Variants in SNX29 observed in about 807,000 individuals in gnomAD.
The protein encoded by SNX29 is sorting nexin 29, also known as sorting nexin-29.
SNX29 carries 78 observed loss-of-function variants against 102.1 expected under a neutral mutation model. That is an observed-to-expected ratio of 0.76 (90% CI 0.64 to 0.92). The LOEUF (loss-of-function observed/expected upper bound fraction) is 0.92. Ranked by LOEUF, SNX29 falls within the 40% of genes least tolerant of loss-of-function variation. SNX29 has a pLI of 0.00. For missense variants in SNX29, 1,280 were observed against 1,061.7 expected, an observed-to-expected ratio of 1.21 and a Z score of -2.86; for synonymous variants, 580 against 414.5, an observed-to-expected ratio of 1.40 and a Z score of -4.85.
chr16:12,525,543 T>G (rs966267000), intron 20 of SNX29, among the ~76,000 whole-genome samples: 3 of 151,580 alleles, frequency 2.0e-5, no homozygotes, highest in African/African-American at 7.3e-5. Flanking sequence ...CGTGCAAAAA[T>G]TAGCTGGGCA....
intron 11 of SNX29, among the ~76,000 whole-genome samples, chr16:12,120,814 T>C (rs1332004629): frequency 6.6e-6 from 1 of 152,170 alleles, no homozygotes; most frequent in Non-Finnish European, 1.5e-5. Flanking sequence ...GGTAATGATG[T>C]ATGGGACCGT....
At chr16:12,176,390 G>A (rs1236507905) in intron 13 of SNX29, among the ~76,000 whole-genome samples, 1 of 152,184 alleles carries the variant, frequency 6.6e-6, no homozygotes, top group African/African-American at 2.4e-5. Flanking sequence ...TGTGAAATGG[G>A]AATAGTGAAT....
At chr16:12,073,556 T>C (rs1383980176) in intron 10 of SNX29, among the ~76,000 whole-genome samples, 2 of 152,234 alleles carry the variant, frequency 1.3e-5, no homozygotes, top group African/African-American at 4.8e-5. Flanking sequence ...TTTCTGTTCT[T>C]TTACATTTGC....
At chr16:12,470,625 TC>T (rs1174859172) in intron 18 of SNX29, among the ~76,000 whole-genome samples, 1 of 152,148 alleles carries the variant, frequency 6.6e-6, no homozygotes, top group African/African-American at 2.4e-5. Flanking sequence ...CTCTGCTGTT[TC>T]TGTTGAGTTT....
chr16:12,535,628 A>G (rs1480246789), intron 20 of SNX29, among the ~76,000 whole-genome samples: 1 of 152,138 alleles, frequency 6.6e-6, no homozygotes, highest in Non-Finnish European at 1.5e-5. Flanking sequence ...TCACACCAAC[A>G]TGAAGCACTT....
chr16:12,337,234 A>T (rs1176995003), intron 15 of SNX29, among the ~76,000 whole-genome samples: 2 of 151,932 alleles, frequency 1.3e-5, no homozygotes, highest in Non-Finnish European at 2.9e-5. Flanking sequence ...CTGTCTCCAC[A>T]GTTGCTGGAG....
Position 12,570,808 on chromosome 16 carries a change from A to C in SNX29, c.*2179A>C, listed in dbSNP as rs1026441504. On this transcript the variant is annotated 3_prime_UTR_variant, in exon 21 of 21. Coordinates refer to ENST00000566228, the MANE Select transcript of SNX29 (RefSeq NM_032167.5). ...CAGTCCCCCATTGCTGAGAGATACT[A>C]ACCCGTGAGAAACAAGTATGCTCTC... The C allele has an allele frequency of 4.3e-6, 1 of 232,358 alleles. No homozygotes were observed. Among genetic ancestry groups the C allele is most frequent in the African/African-American group, 2.2e-5 (1 of 45,274 alleles). 14.4% of individuals were successfully genotyped at this position (232,358 alleles called of 1,614,324 possible).
chr16:12,506,200 A>G (rs2089370544), intron 19 of SNX29, among the ~76,000 whole-genome samples: 1 of 152,166 alleles, frequency 6.6e-6, no homozygotes, highest in African/African-American at 2.4e-5. Flanking sequence ...ACCTCAGGTG[A>G]TGCGCCTGCC....
chr16:12,211,898 G>C (rs1275525592), intron 14 of SNX29, among the ~76,000 whole-genome samples: 1 of 152,158 alleles, frequency 6.6e-6, no homozygotes, highest in Admixed American at 6.5e-5. Flanking sequence ...ATGACATTTA[G>C]ACTGGTGTTG....
At chr16:12,428,098 A>G (rs545883739) in intron 18 of SNX29, among the ~76,000 whole-genome samples, 1 of 152,256 alleles carries the variant, frequency 6.6e-6, no homozygotes, top group East Asian at 1.9e-4. Context: ...TCAGGGTTTT[A>G]TTTTATTTTA....
At chr16:12,346,127 A>G (rs959861811) in intron 15 of SNX29, among the ~76,000 whole-genome samples, 2 of 151,942 alleles carry the variant, frequency 1.3e-5, no homozygotes, top group South Asian at 2.1e-4. Flanking sequence ...TAGAAAGATC[A>G]TTTGAGCGTC....
At chr16:12,149,431 G>T (rs1463861812) in intron 13 of SNX29, among the ~76,000 whole-genome samples, 1 of 152,232 alleles carries the variant, frequency 6.6e-6, no homozygotes, top group South Asian at 2.1e-4. Flanking sequence ...TCTGTGCTTA[G>T]TGCCTGGTAC....
In SNX29 at chr16:12,545,180, A is replaced by T. The variant is rs1181105656; in HGVS notation, c.2318+20339A>T. 7.9e-5 allele frequency among the ~76,000 whole-genome samples: 12 copies of T among 152,310 alleles called. No homozygotes were observed. In the South Asian group the frequency reaches 2.5e-3, roughly 32 times the overall value. ...CACTCTGCCAGCCGTCAGAGAAACA[A>T]ATATGGTCAATACAAAAAAGGAAGG... On this transcript the variant is annotated intron_variant, in intron 20 of 20. Coordinates refer to ENST00000566228, the MANE Select transcript of SNX29 (RefSeq NM_032167.5).
chr16:12,532,382 C>T (rs1052539386), intron 20 of SNX29, among the ~76,000 whole-genome samples: 1 of 152,200 alleles, frequency 6.6e-6, no homozygotes, highest in East Asian at 1.9e-4. Context: ...CAGCAGCGTT[C>T]ACTTGTGTTT....
intron 16 of SNX29, chr16:12,367,275 C>T (rs1334614091): frequency 2.0e-5 from 3 of 152,236 alleles, no homozygotes; most frequent in African/African-American, 4.8e-5. Flanking sequence ...GCCTGGAACA[C>T]GTAATCACTC....
At chr16:12,420,012 A>C (rs1416890402) in intron 18 of SNX29, among the ~76,000 whole-genome samples, 2 of 152,174 alleles carry the variant, frequency 1.3e-5, no homozygotes, top group African/African-American at 4.8e-5. Context: ...AAATATGTGC[A>C]TCTCCACACC....
chr16:12,395,836 C>T (rs1026331637), intron 16 of SNX29, among the ~76,000 whole-genome samples: 2 of 152,224 alleles, frequency 1.3e-5, no homozygotes, highest in African/African-American at 4.8e-5. Context: ...GGGCTGCTGT[C>T]AAGTCTAGCT....
intron 20 of SNX29, among the ~76,000 whole-genome samples, chr16:12,567,142 G>C (rs1222154743): frequency 6.6e-6 from 1 of 152,224 alleles, no homozygotes; most frequent in Non-Finnish European, 1.5e-5. Context: ...TTGTGAAACT[G>C]GGCTTGGATA....
intron 20 of SNX29, among the ~76,000 whole-genome samples, chr16:12,545,189 A>T (rs373878553): frequency 6.6e-6 from 1 of 152,212 alleles, no homozygotes; most frequent in African/African-American, 2.4e-5. Flanking sequence ...AAATATGGTC[A>T]ATACAAAAAA....
Sources: allele counts gnomAD v4.1 joint callset (sites outside exome capture counted in the v4.1 genomes callset), GRCh38; gene constraint gnomAD v4.1.1; transcripts MANE v1.5; gene names NCBI Gene and HGNC (gene_info 2026-07-23, HGNC 2026-07-21).